Variants in BPTF observed in about 807,000 individuals in gnomAD.
The protein encoded by BPTF is bromodomain PHD finger transcription factor.
In BPTF, 18 loss-of-function variants were observed where a neutral mutation model predicts 292.5. The observed-to-expected ratio is 0.06, with a 90% CI of 0.04 to 0.09. The LOEUF is 0.09. BPTF is among the 10% of genes least tolerant of loss of function. The probability of loss-of-function intolerance (pLI) is 1.00; values close to 1 mark genes in which losing one functional copy is unlikely to be tolerated. For synonymous variants in BPTF, 1,225 were observed against 1,251.9 expected (o/e 0.98, Z 0.45); for missense variants, 2,726 against 3,498.7 (o/e 0.78, Z 5.57).
rs544894532 is a variant in BPTF, at chr17:67,960,760, A to G, written c.8261+885A>G. ...AATGCTTAATGCCTACCTTAAGTGG[A>G]TACCTAATTGATTCCTAAAATAAAA... On this transcript the variant is annotated intron_variant, in intron 24 of 27. Coordinates refer to ENST00000306378, the MANE Select transcript of BPTF (RefSeq NM_182641.4). Among the ~76,000 whole-genome samples, 5 of 152,334 alleles carry G rather than the reference A, an allele frequency of 3.3e-5. 1 individual carries two copies. Among genetic ancestry groups the G allele is most frequent in the African/African-American group, 9.6e-5 (4 of 41,576 alleles).
At chr17:67,902,852 C>CA (rs1227919327) in intron 7 of BPTF, among the ~76,000 whole-genome samples, 3 of 152,218 alleles carry the variant, frequency 2.0e-5, no homozygotes, top group Non-Finnish European at 4.4e-5. Flanking sequence ...AAATTGGCTG[C>CA]ATCTGGTTAG....
In BPTF at chr17:67,826,267, C is replaced by G. The variant is rs758332344; in HGVS notation, c.543C>G (p.Asp181Glu). Residue 181 changes from aspartate to glutamate, a missense_variant, in exon 1 of 28, where the codon GAC becomes GAG. Asp to Glu is a conservative substitution (Grantham distance 45). This residue lies in a region of BPTF where 153 missense variants were observed against 178.3 expected (regional missense o/e 0.86). Transcript: ENST00000306378. ...DDSDYPEEMEDDDDDASYCTE... is the reference protein window; with the variant it reads ...DDSDYPEEMEEDDDDASYCTE... ...CCGATTATCCGGAGGAGATGGAAGA[C>G]GACGACGACGACGCCAGTTACTGCA... 6.9e-6 allele frequency: 11 copies of G among 1,584,050 alleles called. No individual in the cohort carries two copies. The highest frequency in any genetic ancestry group is 6.9e-6 in the Non-Finnish European group (8 of 1,156,086).
chr17:67,976,005 T>G, intron 27 of BPTF, 47 bp downstream of exon 27: 1 of 1,447,708 alleles, frequency 6.9e-7, no homozygotes, highest in Non-Finnish European at 9.5e-7. Context: ...CTCTTCACAC[T>G]CTTTATACTA....
At chr17:67,846,106 A>G (rs1350462950) in intron 1 of BPTF, among the ~76,000 whole-genome samples, 1 of 152,230 alleles carries the variant, frequency 6.6e-6, no homozygotes, top group East Asian at 1.9e-4. Flanking sequence ...CATTGTATTT[A>G]GTGGCAATCT....
At chr17:67,940,235 C>T (rs1487171245) in intron 18 of BPTF, among the ~76,000 whole-genome samples, 2 of 152,132 alleles carry the variant, frequency 1.3e-5, no homozygotes, top group Non-Finnish European at 1.5e-5. Context: ...GACTGGATAA[C>T]GGTTGGCAGT....
intron 1 of BPTF, among the ~76,000 whole-genome samples, chr17:67,834,697 A>G (rs190508483): frequency 2.4e-4 from 37 of 152,294 alleles, no homozygotes; most frequent in Admixed American, 2.4e-3. Context: ...CATGGAGCTG[A>G]AATGGGCTTT....
At chr17:67,855,276 G>A (rs1259418526) in intron 2 of BPTF, among the ~76,000 whole-genome samples, 1 of 152,152 alleles carries the variant, frequency 6.6e-6, no homozygotes, top group Non-Finnish European at 1.5e-5. Flanking sequence ...ATTCCAGCCT[G>A]GGTGACAGAG....
intron 26 of BPTF, among the ~76,000 whole-genome samples, chr17:67,971,440 A>C (rs1599013812): frequency 1.3e-5 from 2 of 149,752 alleles, no homozygotes. Flanking sequence ...TCACTGTGAC[A>C]CCTCCACACT....
At chr17:67,887,758 C>G (rs1460826903) in intron 4 of BPTF, among the ~76,000 whole-genome samples, 1 of 152,184 alleles carries the variant, frequency 6.6e-6, no homozygotes, top group Non-Finnish European at 1.5e-5. Context: ...TTGTTTTCCT[C>G]TCTCTCTCAC....
intron 27 of BPTF, among the ~76,000 whole-genome samples, chr17:67,977,054 G>C (rs2069574450): frequency 6.6e-6 from 1 of 152,146 alleles, no homozygotes; most frequent in Admixed American, 6.5e-5. Context: ...TTTTTCTGCT[G>C]TGACATTTAG....
chr17:67,849,371 G>A (rs1290824828), intron 1 of BPTF, among the ~76,000 whole-genome samples: 1 of 152,118 alleles, frequency 6.6e-6, no homozygotes, highest in East Asian at 1.9e-4. Context: ...AGTAGGCCTG[G>A]GCTTGGGCCT....
At chr17:67,979,190 A>G (rs1322263774) in intron 27 of BPTF, among the ~76,000 whole-genome samples, 1 of 149,738 alleles carries the variant, frequency 6.7e-6, no homozygotes, top group East Asian at 2.0e-4. Context: ...AAAAAAAAAA[A>G]GGCCCTGTTA....
intron 4 of BPTF, among the ~76,000 whole-genome samples, chr17:67,889,823 A>G (rs567957343): frequency 6.6e-6 from 1 of 152,224 alleles, no homozygotes; most frequent in South Asian, 2.1e-4. Flanking sequence ...AAAAGAAAAA[A>G]AACCTCCATG....
At chr17:67,844,067 C>T (rs1440285403) in intron 1 of BPTF, among the ~76,000 whole-genome samples, 7 of 135,214 alleles carry the variant, frequency 5.2e-5, no homozygotes, top group East Asian at 2.2e-4. Flanking sequence ...GCCCGGCCCC[C>T]GCCTTTTTTT....
At chr17:67,939,191 C>T (rs9892730) in intron 18 of BPTF, among the ~76,000 whole-genome samples, 26 of 152,158 alleles carry the variant, frequency 1.7e-4, no homozygotes, top group African/African-American at 5.5e-4. Flanking sequence ...TTTACCATGG[C>T]GTTAGTTTAA....
At chr17:67,898,736 A>G (rs950681902) in intron 7 of BPTF, among the ~76,000 whole-genome samples, 5 of 151,220 alleles carry the variant, frequency 3.3e-5, no homozygotes, top group Non-Finnish European at 5.9e-5. Flanking sequence ...AGCATTCCCA[A>G]TAACATTCAG....
At chr17:67,858,469 C>T (rs866617964) in intron 2 of BPTF, among the ~76,000 whole-genome samples, 4 of 150,674 alleles carry the variant, frequency 2.7e-5, no homozygotes, top group African/African-American at 4.9e-5. Context: ...GCACAGGAAT[C>T]GCTTGAACCT....
intron 2 of BPTF, among the ~76,000 whole-genome samples, chr17:67,857,140 C>G (rs1409217502): frequency 1.4e-5 from 2 of 139,470 alleles, no homozygotes; most frequent in African/African-American, 5.3e-5. Context: ...ATGAGTTCGT[C>G]TTTAACAATT....
chr17:67,901,447 A>G (rs972338293), intron 7 of BPTF, among the ~76,000 whole-genome samples: 8 of 152,304 alleles, frequency 5.3e-5, no homozygotes, highest in Non-Finnish European at 1.2e-4. Flanking sequence ...GGATACATAT[A>G]TTTAAAATTC....
Sources: allele counts gnomAD v4.1 joint callset (sites outside exome capture counted in the v4.1 genomes callset), GRCh38; gene constraint gnomAD v4.1.1; regional missense constraint gnomAD v4.1.1; transcripts MANE v1.5; gene names NCBI Gene and HGNC (gene_info 2026-07-23, HGNC 2026-07-21).